DMBT1: variants seen among roughly 807,000 people sequenced by gnomAD.
DMBT1 encodes scavenger receptor cysteine-rich domain-containing protein DMBT1.
DMBT1 carries 198 observed loss-of-function variants against 252.9 expected under a neutral mutation model. The ratio of observed to expected loss-of-function variants is 0.78; its 90% CI spans 0.70 to 0.88. The LOEUF is 0.88. DMBT1 is among the 40% of genes least tolerant of loss of function. DMBT1 has a pLI of 0.00. For missense variants in DMBT1, 2,432 were observed against 2,404.7 expected (o/e 1.01, Z -0.24); for synonymous variants, 990 against 942.7 (o/e 1.05, Z -0.92).
Position 122,577,844 on chromosome 10 carries a change from A to G in DMBT1, c.637+4A>G, listed in dbSNP as rs1390132300. ...CCTCAGTCAACACTCAGGCCAGGTG[A>G]GTCCCCAGAATCCTTCCTCGGGATA... On this transcript the variant is annotated splice_donor_region_variant and intron_variant, in intron 8 of 55. Transcript: ENST00000338354. The G allele has an allele frequency of 3.1e-6, 5 of 1,613,454 alleles. No individual in the cohort carries two copies. The South Asian group carries it at 4.4e-5, about 14-fold the overall frequency.
chr10:122,580,462 G>T (rs2097758426), intron 10 of DMBT1, among the ~76,000 whole-genome samples: 1 of 152,212 alleles, frequency 6.6e-6, no homozygotes, highest in African/African-American at 2.4e-5. Context: ...TCTAGGTCTG[G>T]TGAGGGGAGG....
At chr10:122,590,335 T>A (rs1370831209) in intron 17 of DMBT1, among the ~76,000 whole-genome samples, 1 of 148,982 alleles carries the variant, frequency 6.7e-6, no homozygotes, top group Non-Finnish European at 1.5e-5. Flanking sequence ...GGCTAGAAGA[T>A]CACAGGCTGG....
At chr10:122,576,797 T>C (rs564999740) in intron 7 of DMBT1, 75 bp downstream of exon 7, 21 of 1,575,596 alleles carry the variant, frequency 1.3e-5, no homozygotes, top group Non-Finnish European at 1.8e-5. Context: ...GAGGATGAGG[T>C]AGGCAGATTG....
At position 122,643,563 on chromosome 10, in the gene DMBT1, C is replaced by T. The variant is rs979506315; in HGVS notation, c.*165C>T. 4.6e-5 allele frequency: 49 copies of T among 1,054,694 alleles called. No homozygotes were observed. Among genetic ancestry groups the T allele is most frequent in the Non-Finnish European group, 6.1e-5 (46 of 748,826 alleles). The allele number at this position is 1,054,694 out of a possible 1,614,324, so 65.3% of individuals were successfully genotyped here. ...CCTGGTTCCCGCCTCCCCCAAGGCT[C>T]ATGGTCCTTGGAGGACCCGTTGCAG... is the stretch of plus-strand genomic sequence containing the variant. On this transcript the variant is annotated 3_prime_UTR_variant, in exon 56 of 56. Coordinates refer to ENST00000338354, the MANE Select transcript of DMBT1 (RefSeq NM_001377530.1).
At chr10:122,619,026 A>T (rs751202134) in intron 41 of DMBT1, among the ~76,000 whole-genome samples, 26 of 152,228 alleles carry the variant, frequency 1.7e-4, no homozygotes, top group Non-Finnish European at 2.9e-4. Context: ...TGACTCAGGA[A>T]CTGCCAAAAC....
chr10:122,585,520 C>G (rs928768945), intron 15 of DMBT1, among the ~76,000 whole-genome samples: 1 of 148,048 alleles, frequency 6.8e-6, no homozygotes, highest in African/African-American at 2.4e-5. Flanking sequence ...CCGTGGAATC[C>G]TGTTCCAAGT....
At chr10:122,625,088 T>C (rs1029601657) in intron 44 of DMBT1, among the ~76,000 whole-genome samples, 189 bp from the exon 45 acceptor site, 1 of 152,266 alleles carries the variant, frequency 6.6e-6, no homozygotes, top group African/African-American at 2.4e-5. Flanking sequence ...ACTTTCAGGC[T>C]GTAAGAATGA....
At position 122,619,351 on chromosome 10, in the gene DMBT1, A is replaced by G. The variant is rs2098038217; in HGVS notation, c.5245+14A>G. 2 of 1,613,788 alleles carry G rather than the reference A, an allele frequency of 1.2e-6. No homozygotes were observed. Among genetic ancestry groups the G allele is most frequent in the African/African-American group, 2.7e-5 (2 of 74,904 alleles). ...CGCCCAGGCCAGGTGAGTCCCCAGC[A>G]TCCTTCATCGGGATGTCCCTTCTCT... On this transcript the variant is annotated intron_variant, in intron 42 of 55. Coordinates refer to ENST00000338354, the MANE Select transcript of DMBT1 (RefSeq NM_001377530.1).
intron 10 of DMBT1, among the ~76,000 whole-genome samples, chr10:122,580,144 G>A (rs539413379): frequency 6.6e-6 from 1 of 152,266 alleles, no homozygotes; most frequent in South Asian, 2.1e-4. Flanking sequence ...GCAAGGAAGA[G>A]GCAGAAGAGA....
chr10:122,600,473 G>A (rs1289874082), intron 27 of DMBT1, among the ~76,000 whole-genome samples: 2 of 152,154 alleles, frequency 1.3e-5, no homozygotes, highest in Non-Finnish European at 2.9e-5. Context: ...ATCAGGGCAG[G>A]CTCGATACCC....
chr10:122,579,892 A>T lies in DMBT1; in HGVS notation c.994A>T (p.Ile332Phe), dbSNP rs200308839. 3.1e-6 allele frequency: 5 copies of T among 1,613,846 alleles called. No homozygotes were observed. Among genetic ancestry groups the T allele is most frequent in the Admixed American group, 3.3e-5 (2 of 60,016 alleles). Residue 332 changes from isoleucine to phenylalanine, a missense_variant, in exon 10 of 56, where the codon ATC becomes TTC. Ile to Phe is a conservative substitution (Grantham distance 21). Coordinates refer to ENST00000338354, the MANE Select transcript of DMBT1 (RefSeq NM_001377530.1). ...NCGHSEDAGV[I>F]CSAPQSRPTP... ...TGGCCATAGTGAAGACGCTGGTGTC[A>T]TCTGCTCAGGTGGGCCTTCAAGAAC...
rs1239247200 is a variant in DMBT1, at chr10:122,630,380, A to G, written c.5915A>G (p.Asp1972Gly). The change falls in exon 48 of 56, where the codon GAT becomes GGT. Residue 1972 changes from aspartate (D) to glycine (G), a missense_variant. By Grantham distance (94) the Asp-to-Gly change is moderately conservative. Around this residue, in one of 3 missense-constraint regions of DMBT1, gnomAD observed 1,162 missense variants for 1,169.0 expected, o/e 0.99. Transcript: ENST00000338354. The stretch of plus-strand genomic sequence containing the variant: ...CTCCTGCTGGGGAAAATCTGTAATG[A>G]TACCAGGCAAATATTTACATCTTCT... ...SSLLLGKICN[D>G]TRQIFTSSYN... is the part of the protein sequence containing the mutation. 1 of 1,614,024 alleles carries G rather than the reference A, an allele frequency of 6.2e-7. No individual in the cohort carries two copies. Among genetic ancestry groups the G allele is most frequent in the African/African-American group, 1.3e-5 (1 of 75,060 alleles).
At chr10:122,630,018 G>A (rs765986008) in intron 47 of DMBT1, 25 bp downstream of exon 47, 141 of 1,613,178 alleles carry the variant, frequency 8.7e-5, no homozygotes, top group East Asian at 3.6e-4. Context: ...GTCATCTGGT[G>A]AGGGGTGAGT....
intron 49 of DMBT1, 85 bp from the exon 50 acceptor site, chr10:122,631,770 C>T: frequency 6.7e-7 from 1 of 1,489,806 alleles, no homozygotes; most frequent in Non-Finnish European, 9.3e-7. Flanking sequence ...GGTTATGGGC[C>T]ATGTAAGTGT....
intron 2 of DMBT1, among the ~76,000 whole-genome samples, chr10:122,568,143 G>T (rs1260504064): frequency 6.6e-6 from 1 of 152,178 alleles, no homozygotes; most frequent in African/African-American, 2.4e-5. Flanking sequence ...GGTGATGTTA[G>T]ATGTAGGATG....
At position 122,567,002 on chromosome 10, in the gene DMBT1, C is replaced by T. The variant is rs564363949; in HGVS notation, c.91+1006C>T. ...GGTCTTTGACTTTGGCTAAATGTCCCTGCCTCTCCAGTGAGAATGTGCAGA... is the reference window on the plus strand; with the variant it reads ...GGTCTTTGACTTTGGCTAAATGTCCTTGCCTCTCCAGTGAGAATGTGCAGA... On this transcript the variant is annotated intron_variant, in intron 2 of 55. Transcript: ENST00000338354. Among the ~76,000 whole-genome samples, 347 of 152,308 alleles carry T rather than the reference C, an allele frequency of 2.3e-3. 5 individuals are homozygous for T. Among genetic ancestry groups the T allele is most frequent in the Non-Finnish European group, 6.0e-4 (41 of 68,032 alleles).
At chr10:122,637,442 G>C in intron 54 of DMBT1, 130 bp downstream of exon 54, 1 of 1,119,506 alleles carries the variant, frequency 8.9e-7, no homozygotes, top group Non-Finnish European at 1.2e-6. Context: ...TTGGAATAAA[G>C]GAAGATAAAA....
chr10:122,598,889 C>A lies in DMBT1; in HGVS notation c.3072C>A (p.Thr1024=). 2 of 1,613,810 alleles carry A rather than the reference C, an allele frequency of 1.2e-6. No homozygotes were observed. Among genetic ancestry groups the A allele is most frequent in the Non-Finnish European group, 1.7e-6 (2 of 1,179,772 alleles). Residue 1024 remains threonine (T), a synonymous_variant, in exon 26 of 56, where the codon ACC becomes ACA. Coordinates refer to ENST00000338354, the MANE Select transcript of DMBT1 (RefSeq NM_001377530.1). ...WGTVCDDSWD[T]NDANVVCRQL... ...CCGTGTGCGATGACAGCTGGGACAC[C>A]AATGATGCCAATGTCGTCTGCAGGC...
rs777669443 is a variant in DMBT1 at position 122,619,346 on chromosome 10, C to G, written c.5245+9C>G. 4 of 1,613,986 alleles carry G rather than the reference C, an allele frequency of 2.5e-6. 1 individual carries two copies. In the South Asian group the frequency reaches 4.4e-5, roughly 18 times the overall value. On this transcript the variant is annotated intron_variant, in intron 42 of 55. Transcript: ENST00000338354. ...GTCAACGCCCAGGCCAGGTGAGTCC[C>G]CAGCATCCTTCATCGGGATGTCCCT... is the stretch of plus-strand genomic sequence containing the variant.
Sources: allele counts gnomAD v4.1 joint callset (sites outside exome capture counted in the v4.1 genomes callset), GRCh38; gene constraint gnomAD v4.1.1; regional missense constraint gnomAD v4.1.1; transcripts MANE v1.5; gene names NCBI Gene and HGNC (gene_info 2026-07-23, HGNC 2026-07-21).